The following GET1 variants were observed in gnomAD, a reference collection of about 807,000 sequenced individuals.
GET1 encodes congenital heart disease 5 protein.
Under a neutral mutation model 22.6 loss-of-function variants are expected in GET1, and 20 were observed. The observed-to-expected ratio is 0.89, with a 90% CI of 0.62 to 1.29. GET1 has a LOEUF of 1.29. Ranked by LOEUF, GET1 falls within the 50% of genes most tolerant of loss-of-function variation. The probability of loss-of-function intolerance (pLI) is 0.00; values close to 1 mark genes in which losing one functional copy is unlikely to be tolerated. For missense variants in GET1, 209 were observed against 219.9 expected, an observed-to-expected ratio of 0.95 and a Z score of 0.31; for synonymous variants, 92 against 83.8, an observed-to-expected ratio of 1.10 and a Z score of -0.53.
At chr21:39,409,334 A>C (rs1019667382), downstream of GET1, among the ~76,000 whole-genome samples, 1 of 152,148 alleles carries the variant, frequency 6.6e-6, no homozygotes, top group African/African-American at 2.4e-5. The surrounding 1 kb of genome is among the most constrained non-coding windows in gnomAD (Gnocchi z 4.2). Flanking sequence ...GTGTTGTTTA[A>C]ACCGGCAGTC....
intron 2 of GET1, 190 bp from the exon 3 acceptor site, chr21:39,391,579 T>C: frequency 1.8e-6 from 1 of 568,324 alleles, no homozygotes; most frequent in South Asian, 2.0e-5. Context: ...TCGGATACTA[T>C]TTTAAATAAT....
At chr21:39,414,738 C>G (rs200291081) in intron 1 of GET1, among the ~76,000 whole-genome samples, 1,969 of 107,108 alleles carry the variant, frequency 0.018, 22 homozygotes, top group African/African-American at 0.043. Context: ...CTCTCTCTCT[C>G]TCTCTGTGTG....
At chr21:39,407,494 T>C (rs2039283085), downstream of GET1, among the ~76,000 whole-genome samples, 1 of 152,310 alleles carries the variant, frequency 6.6e-6, no homozygotes, top group Non-Finnish European at 1.5e-5. Flanking sequence ...CAAGGATAAG[T>C]GCAACGATGT....
chr21:39,405,986 T>G (rs748205431), exon 5 of GET1: 1 of 1,614,256 alleles, frequency 6.2e-7, no homozygotes, highest in East Asian at 2.2e-5. Flanking sequence ...GAGGCCTGAC[T>G]GGGAGGCAGG....
In GET1 at chr21:39,406,056, T is replaced by C. The variant is rs180865456; in HGVS notation, c.*72T>C. The C allele has an allele frequency of 6.8e-5, 109 of 1,614,174 alleles. No homozygotes were observed. The East Asian group carries it at 2.2e-3, about 32-fold the overall frequency. On this transcript the variant is annotated 3_prime_UTR_variant, in exon 5 of 5. Coordinates refer to the GET1 transcript ENST00000415847. ...AGCCTTTTGCAACACCAGGACTTGATTGGTCAGTTTTCAAGACATAGCCTG... is the reference window on the plus strand; with the variant it reads ...AGCCTTTTGCAACACCAGGACTTGACTGGTCAGTTTTCAAGACATAGCCTG...
rs59724875 is a variant in GET1, at chr21:39,387,701, C to T, written c.103-2997C>T. On this transcript the variant is annotated intron_variant, in intron 1 of 4. Coordinates refer to ENST00000649170, the MANE Select transcript of GET1 (RefSeq NM_004627.6). ...CCCTACTCCCCACACTCCCCCCCCC[C>T]ACTTTTGCCTCATCACGCAGGCGCT... 1.4e-4 allele frequency: 116 copies of T among 807,462 alleles called. 1 individual carries two copies. In the South Asian group the frequency reaches 5.7e-3, roughly 39 times the overall value. The allele number at this position is 807,462 out of a possible 1,614,324, so 50.0% of individuals were successfully genotyped here.
chr21:39,417,749 T>C (rs889769046), intron 1 of GET1, among the ~76,000 whole-genome samples: 1 of 151,892 alleles, frequency 6.6e-6, no homozygotes, highest in Non-Finnish European at 1.5e-5. Flanking sequence ...TCTTTTTATT[T>C]ATTTATTTAA....
chr21:39,384,366 C>T (rs1286753320), intron 1 of GET1, among the ~76,000 whole-genome samples: 1 of 151,958 alleles, frequency 6.6e-6, no homozygotes, highest in Non-Finnish European at 1.5e-5. Context: ...AAGCGATTCT[C>T]CTGCCTTAGC....
chr21:39,383,489 C>A (rs982056811), intron 1 of GET1, among the ~76,000 whole-genome samples: 1 of 151,246 alleles, frequency 6.6e-6, no homozygotes, highest in Non-Finnish European at 1.5e-5. Flanking sequence ...ACCATGTTGG[C>A]CAGGCTGGTC....
chr21:39,422,950 ACTGT>A (rs765877109), intron 1 of GET1: 21 of 1,599,108 alleles, frequency 1.3e-5, no homozygotes, highest in Middle Eastern at 1.7e-4. Context: ...GGAATCTTAA[ACTGT>A]CTGGGCCCCT....
chr21:39,407,706 C>CT (rs2039328350), downstream of GET1: 1 of 152,230 alleles, frequency 6.6e-6, no homozygotes, highest in Non-Finnish European at 1.5e-5. Context: ...CATTTGCTTC[C>CT]TCCTGTCTCC....
Position 39,390,750 on chromosome 21 carries a change from A to G in GET1, c.155A>G (p.Glu52Gly). 6.2e-7 allele frequency: 1 copy of G among 1,614,184 alleles called. No individual in the cohort carries two copies. The highest frequency in any genetic ancestry group is 8.5e-7 in the Non-Finnish European group (1 of 1,180,040). ...DAEQESQMRA[E>G]IQDMKQELST... ...GAGCAGGAGTCACAGATGAGAGCGG[A>G]GATCCAGGACATGAAGCAGGAGCTC... is the stretch of plus-strand genomic sequence containing the variant. The change falls in exon 2 of 5, where the codon GAG becomes GGG. Residue 52 changes from glutamate (E) to glycine (G), a missense_variant. Physicochemically the swap from Glu to Gly is moderately conservative, Grantham distance 98. Coordinates refer to ENST00000649170, the MANE Select transcript of GET1 (RefSeq NM_004627.6).
chr21:39,388,303 G>A (rs2038060632), intron 1 of GET1, among the ~76,000 whole-genome samples: 1 of 152,178 alleles, frequency 6.6e-6, no homozygotes, highest in South Asian at 2.1e-4. Context: ...AGGAAGTCGA[G>A]GTTGCAGTGA....
chr21:39,387,280 C>T (rs2037969053), intron 1 of GET1, among the ~76,000 whole-genome samples: 1 of 152,176 alleles, frequency 6.6e-6, no homozygotes, highest in South Asian at 2.1e-4. Context: ...TCACTCACCT[C>T]CCATTCCTGA....
intron 1 of GET1, among the ~76,000 whole-genome samples, chr21:39,383,158 A>ATG (rs2037667228): frequency 1.3e-5 from 2 of 151,618 alleles, no homozygotes; most frequent in Admixed American, 1.3e-4. Flanking sequence ...GTTTCACCGA[A>ATG]TTAGCCAGGA....
chr21:39,416,884 A>G (rs1049860481), intron 1 of GET1, among the ~76,000 whole-genome samples: 1 of 152,146 alleles, frequency 6.6e-6, no homozygotes, highest in Non-Finnish European at 1.5e-5. Context: ...GTTTTAAGTC[A>G]CTTGGAATGG....
At chr21:39,428,356 A>AT in exon 2 of GET1, 1 of 1,613,554 alleles carries the variant, frequency 6.2e-7, no homozygotes, top group African/African-American at 1.3e-5. Context: ...CAACACTCTT[A>AT]TTGGAAGCAT....
intron 1 of GET1, among the ~76,000 whole-genome samples, chr21:39,382,651 T>G (rs913363214): frequency 3.9e-5 from 6 of 152,246 alleles, no homozygotes; most frequent in African/African-American, 1.4e-4. Flanking sequence ...TTTTGTTTAT[T>G]AGTTCATCTG....
At chr21:39,382,708 T>TG (rs1369132222) in intron 1 of GET1, among the ~76,000 whole-genome samples, 1 of 152,224 alleles carries the variant, frequency 6.6e-6, no homozygotes, top group Non-Finnish European at 1.5e-5. Flanking sequence ...TTGTAGATAA[T>TG]GCTAAAATGT....
Sources: gnomAD v4.1 joint callset for allele counts (sites outside exome capture counted in the v4.1 genomes callset) on GRCh38, gnomAD v4.1.1 for gene constraint, Gnocchi (gnomAD v3.1) non-coding constraint, MANE v1.5 for transcripts, NCBI Gene and HGNC (gene_info 2026-07-23, HGNC 2026-07-21) for gene names.